The following GGT5 variants were observed in gnomAD, a reference collection of about 807,000 sequenced individuals.
The protein encoded by GGT5 is glutathione hydrolase 5 proenzyme.
A neutral mutation model predicts 58.1 loss-of-function variants in GGT5; 50 were observed. That is an observed-to-expected ratio of 0.86 (90% CI 0.69 to 1.09). The LOEUF is 1.09. Ranked by LOEUF, GGT5 falls within the 50% of genes least tolerant of loss-of-function variation. The probability of loss-of-function intolerance (pLI) is 0.00; values close to 1 mark genes in which losing one functional copy is unlikely to be tolerated. For synonymous variants in GGT5, 370 were observed against 346.1 expected (o/e 1.07, Z -0.77); for missense variants, 800 against 789.4 (o/e 1.01, Z -0.16).
Position 24,226,223 on chromosome 22 carries a change from A to G in GGT5, c.1082T>C (p.Ile361Thr), listed in dbSNP as rs775680708. The change falls in exon 8 of 12, where the codon ATC becomes ACC. Residue 361 changes from isoleucine to threonine, a missense_variant. Ile to Thr is a moderately conservative substitution (Grantham distance 89). Transcript: ENST00000327365. ...CCCCCGGCCATCGATCTGTTGGCGGATGAGCTGGGCCAGGGTCTCCCCCAG... is the reference window on the plus strand; with the variant it reads ...CCCCCGGCCATCGATCTGTTGGCGGGTGAGCTGGGCCAGGGTCTCCCCCAG... Reference protein sequence around the residue: ...DLLGETLAQLIRQQIDGRGDH... With the variant: ...DLLGETLAQLTRQQIDGRGDH... 9 of 1,608,120 alleles carry G rather than the reference A, an allele frequency of 5.6e-6. No homozygotes were observed. In the East Asian group the frequency reaches 2.0e-4, roughly 36 times the overall value.
chr22:24,232,863 T>A lies in GGT5; in HGVS notation c.556A>T (p.Asn186Tyr). 6.4e-7 allele frequency: 1 copy of A among 1,574,462 alleles called. No individual in the cohort carries two copies. Among genetic ancestry groups the A allele is most frequent in the African/African-American group, 1.4e-5 (1 of 74,040 alleles). ...VAPVLSRFLH[N>Y]SILRPSLQAS... ...TGCAAGGAAGGCCGCAGGATGCTGT[T>A]GTGCAGGAAACGGCTGAGGACAGGG... Residue 186 changes from asparagine to tyrosine, a missense_variant, in exon 4 of 12, where the codon AAC (asparagine) becomes TAC (tyrosine). Coordinates refer to ENST00000327365, the MANE Select transcript of GGT5 (RefSeq NM_004121.5).
intron 6 of GGT5, among the ~76,000 whole-genome samples, chr22:24,228,048 C>CAAAAAAAAAAAAAAAAAAAAA (rs1273239063): frequency 6.3e-4 from 14 of 22,068 alleles, no homozygotes; most frequent in South Asian, 2.1e-3. Flanking sequence ...GACTCTGTCT[C>CAAAAAAAAAAAAAAAAAAAAA]AAAAAAAAAA....
chr22:24,238,802 TATATA>T (rs1472144803), intron 1 of GGT5, among the ~76,000 whole-genome samples: 3 of 2,738 alleles, frequency 1.1e-3, no homozygotes, highest in Admixed American at 8.3e-3. Flanking sequence ...TATTTATATA[TATATA>T]ATATATTATA....
chr22:24,225,002 GA>G lies in GGT5; in HGVS notation c.1607del (p.Phe536SerfsTer23). The G allele has an allele frequency of 6.3e-7, 1 of 1,586,500 alleles. No individual in the cohort carries two copies. The highest frequency in any genetic ancestry group is 8.6e-7 in the Non-Finnish European group (1 of 1,164,566). On this transcript the variant is annotated frameshift_variant, in exon 11 of 12. Coordinates refer to ENST00000327365, the MANE Select transcript of GGT5 (RefSeq NM_004121.5). LOFTEE classifies it low-confidence loss of function (END_TRUNC). ...SKGCVEYEPNFSQEVQRGLQD... is the reference protein window; with the variant it reads ...SKGCVEYEPNXSQEVQRGLQD... The stretch of plus-strand genomic sequence containing the variant: ...GCTCGGACCTCAGCCTCACCTGGCT[GA>G]AGTTGGGCTCGTACTCCACACAGCC...
Position 24,220,060 on chromosome 22 carries a change from G to A in GGT5, c.1671C>T (p.Phe557=). The A allele has an allele frequency of 6.2e-7, 1 of 1,614,164 alleles. No homozygotes were observed. Among genetic ancestry groups the A allele is most frequent in the Non-Finnish European group, 8.5e-7 (1 of 1,180,000 alleles). Residue 557 remains phenylalanine (F), a synonymous_variant, in exon 12 of 12, where the codon TTC becomes TTT. Transcript: ENST00000327365. ...GGGACACAGCCTGGACCACGTTCAGGAAGAAGGGCCTCTGGGTCTGGTTCT... is the reference window on the plus strand; with the variant it reads ...GGGACACAGCCTGGACCACGTTCAGAAAGAAGGGCCTCTGGGTCTGGTTCT... ...RGQNQTQRPF[F]LNVVQAVSQE... is the part of the protein sequence containing the mutation.
chr22:24,244,294 T>TGCACACACAC (rs968624964), intron 1 of GGT5: 3 of 367,168 alleles, frequency 8.2e-6, no homozygotes, highest in East Asian at 4.3e-5. Context: ...CCAGTGCACG[T>TGCACACACAC]GCACACACAC....
intron 11 of GGT5, among the ~76,000 whole-genome samples, chr22:24,221,895 C>T (rs1364301670): frequency 3.3e-5 from 5 of 152,044 alleles, no homozygotes; most frequent in East Asian, 2.0e-4. Context: ...AACACTGCTC[C>T]CTAGCCAGGC....
Position 24,219,948 on chromosome 22 carries a change from C to T in GGT5, c.*22G>A. On this transcript the variant is annotated 3_prime_UTR_variant, in exon 12 of 12. Coordinates refer to ENST00000327365, the MANE Select transcript of GGT5 (RefSeq NM_004121.5). ...CAGGACTCATGGTGGGGCCAGACTTCAGCTCTGGGCAGAGCAGTGTCTTAG... is the reference window on the plus strand; with the variant it reads ...CAGGACTCATGGTGGGGCCAGACTTTAGCTCTGGGCAGAGCAGTGTCTTAG... 1 of 1,612,498 alleles carries T rather than the reference C, an allele frequency of 6.2e-7. No homozygotes were observed. The highest frequency in any genetic ancestry group is 8.5e-7 in the Non-Finnish European group (1 of 1,178,878).
chr22:24,234,534 C>T (rs748213217), intron 1 of GGT5, among the ~76,000 whole-genome samples: 4 of 152,142 alleles, frequency 2.6e-5, no homozygotes, highest in Non-Finnish European at 5.9e-5. Context: ...AATTCTCTGG[C>T]CTAGGCTGGG....
At chr22:24,238,881 ATTATATATTT>A (rs2048223988) in intron 1 of GGT5, among the ~76,000 whole-genome samples, 1 of 11,030 alleles carries the variant, frequency 9.1e-5, no homozygotes, top group African/African-American at 5.7e-4. Flanking sequence ...TATAATATAT[ATTATATATTT>A]TATATATATA....
intron 1 of GGT5, among the ~76,000 whole-genome samples, chr22:24,238,914 A>ATT (rs1212520359): frequency 6.0e-5 from 1 of 16,598 alleles, no homozygotes; most frequent in East Asian, 2.0e-3. Context: ...TATTATATAT[A>ATT]TTATATATAT....
In GGT5 at chr22:24,233,910, C is replaced by T. The variant is rs556300498; in HGVS notation, c.268G>A (p.Gly90Arg). The T allele has an allele frequency of 8.7e-6, 14 of 1,613,400 alleles. 1 individual carries two copies. Among genetic ancestry groups the T allele is most frequent in the East Asian group, 6.7e-5 (3 of 44,866 alleles). The change falls in exon 2 of 12, where the codon GGA (glycine) becomes AGA (arginine). Residue 90 changes from glycine (G) to arginine (R), a missense_variant. Transcript: ENST00000327365. ...TTGTAGATGGTGAAGATGACCCCTCCGCCCAGGCCCATGCTCTGAGGGTTG... is the reference window on the plus strand; with the variant it reads ...TTGTAGATGGTGAAGATGACCCCTCTGCCCAGGCCCATGCTCTGAGGGTTG... ...VVNPQSMGLGGGVIFTIYNVT... is the reference protein window; with the variant it reads ...VVNPQSMGLGRGVIFTIYNVT...
Position 24,225,075 on chromosome 22 carries a change from T to G in GGT5, c.1535A>C (p.Asp512Ala). 6.2e-7 allele frequency: 1 copy of G among 1,600,580 alleles called. No homozygotes were observed. Among genetic ancestry groups the G allele is most frequent in the Non-Finnish European group, 8.5e-7 (1 of 1,173,838 alleles). ...GGGGGCTGCAATGGCCGCTCTCAGG[T>G]CAAAGCCAAGCCACAGCTTGCTCAT... Reference protein sequence around the residue: ...AIMSKLWLGFDLRAAIAAPIL... With the variant: ...AIMSKLWLGFALRAAIAAPIL... Residue 512 changes from aspartate (D) to alanine (A), a missense_variant, in exon 11 of 12, where the codon GAC (aspartate) becomes GCC (alanine). Asp to Ala is a moderately radical substitution (Grantham distance 126, BLOSUM62 -2). Coordinates refer to ENST00000327365, the MANE Select transcript of GGT5 (RefSeq NM_004121.5).
chr22:24,229,638 C>G (rs1023509278), intron 6 of GGT5, among the ~76,000 whole-genome samples: 1 of 151,662 alleles, frequency 6.6e-6, no homozygotes, highest in African/African-American at 2.4e-5. Context: ...TTAAGACCAG[C>G]CTGGCCAACA....
chr22:24,224,609 A>G (rs2047695083), intron 11 of GGT5, among the ~76,000 whole-genome samples: 1 of 152,202 alleles, frequency 6.6e-6, no homozygotes, highest in South Asian at 2.1e-4. Context: ...CACAGGAAAA[A>G]CAACCTCTTT....
chr22:24,238,565 G>A (rs1370644920), intron 1 of GGT5, among the ~76,000 whole-genome samples: 9 of 143,576 alleles, frequency 6.3e-5, no homozygotes, highest in East Asian at 4.1e-4. Context: ...TTAGCCAGGC[G>A]TGGTGGCTCA....
chr22:24,232,927 C>T lies in GGT5; in HGVS notation c.492G>A (p.Gln164=), dbSNP rs199713489. 115 of 1,574,700 alleles carry T rather than the reference C, an allele frequency of 7.3e-5. No individual in the cohort carries two copies. The Admixed American group carries it at 2.0e-3, about 27-fold the overall frequency. ...CCCCTCGGAGCAGCGCGATGGTGGGCTGGAACAGCTGCGCCCAGGGCAGGC... is the reference window on the plus strand; with the variant it reads ...CCCCTCGGAGCAGCGCGATGGTGGGTTGGAACAGCTGCGCCCAGGGCAGGC... ...HGRLPWAQLF[Q]PTIALLRGGH... The change falls in exon 4 of 12, where the codon CAG becomes CAA. Residue 164 remains glutamine (Q), a synonymous_variant. Transcript: ENST00000327365.
intron 6 of GGT5, among the ~76,000 whole-genome samples, chr22:24,230,183 C>T (rs553374310): frequency 3.0e-4 from 45 of 152,052 alleles, no homozygotes; most frequent in Middle Eastern, 3.4e-3. Flanking sequence ...GCCTGACCAA[C>T]GTGGCAAAAC....
rs1296741648 is a variant in GGT5, at chr22:24,233,479, G to A, written c.400+19C>T. On this transcript the variant is annotated intron_variant, in intron 3 of 11. Coordinates refer to ENST00000327365, the MANE Select transcript of GGT5 (RefSeq NM_004121.5). ...AGTGGCCTGGGGGGTGGGAGTGGGGGACCTCCATGGGGCGTCACCTGTGCC... is the reference window on the plus strand; with the variant it reads ...AGTGGCCTGGGGGGTGGGAGTGGGGAACCTCCATGGGGCGTCACCTGTGCC... 5.5e-6 allele frequency: 8 copies of A among 1,457,712 alleles called. No individual in the cohort carries two copies. Among genetic ancestry groups the A allele is most frequent in the South Asian group, 3.5e-5 (3 of 84,750 alleles). 90.3% of individuals were successfully genotyped at this position (1,457,712 alleles called of 1,614,324 possible).
Sources: gnomAD v4.1 joint callset for allele counts (sites outside exome capture counted in the v4.1 genomes callset) on GRCh38, gnomAD v4.1.1 for gene constraint, MANE v1.5 for transcripts, NCBI Gene and HGNC (gene_info 2026-07-23, HGNC 2026-07-21) for gene names.